Variants in ANOS1 observed in about 807,000 individuals in gnomAD.
ANOS1 encodes the protein anosmin 1, also known as anosmin-1.
In ANOS1, 6 loss-of-function variants were observed where a neutral mutation model predicts 59.0. That is an observed-to-expected ratio of 0.10 (90% confidence interval 0.06 to 0.20). The LOEUF is 0.20. Among genes scored for constraint, ANOS1 ranks in the 10% least tolerant of loss-of-function variants. The pLI is 1.00. For missense variants in ANOS1, 433 were observed against 542.3 expected (o/e 0.80, Z 2.00); for synonymous variants, 217 against 223.4 (o/e 0.97, Z 0.25).
At chrX:8,709,034 G>A (rs950794005) in intron 1 of ANOS1, among the ~76,000 whole-genome samples, 2 of 110,564 alleles carry the variant, frequency 1.8e-5, no homozygotes, top group African/African-American at 6.6e-5. Flanking sequence ...AACACCGCAA[G>A]TTCTCACTCA....
At chrX:8,605,018 T>C (rs1365492427) in intron 3 of ANOS1, among the ~76,000 whole-genome samples, 1 of 112,889 alleles carries the variant, frequency 8.9e-6, no homozygotes, top group Non-Finnish European at 1.9e-5. Flanking sequence ...AGTATGTTAA[T>C]ACATAAAAGT....
At chrX:8,710,605 A>T (rs6640216) in intron 1 of ANOS1, among the ~76,000 whole-genome samples, 1 of 110,423 alleles carries the variant, frequency 9.1e-6, no homozygotes, top group African/African-American at 3.3e-5. Flanking sequence ...CTCGTTAATG[A>T]CATGTCATTG....
chrX:8,665,187 G>A (rs1932114289), intron 2 of ANOS1, among the ~76,000 whole-genome samples: 1 of 112,072 alleles, frequency 8.9e-6, no homozygotes, highest in African/African-American at 3.2e-5. Context: ...TTGACAAACT[G>A]GATATCAAAA....
chrX:8,668,426 T>TACAC (rs1453290696), intron 2 of ANOS1, among the ~76,000 whole-genome samples: 1,073 of 81,812 alleles, frequency 0.013, 14 homozygotes, highest in African/African-American at 0.024. Flanking sequence ...TATATATATA[T>TACAC]ATATACACAC....
chrX:8,545,758 C>T (rs890511370), intron 9 of ANOS1, among the ~76,000 whole-genome samples: 2 of 112,045 alleles, frequency 1.8e-5, no homozygotes, highest in Non-Finnish European at 3.8e-5. Context: ...AGGTCCCTAA[C>T]TCCAAGTCCA....
intron 8 of ANOS1, among the ~76,000 whole-genome samples, chrX:8,554,353 C>T (rs771370456): frequency 2.7e-5 from 3 of 110,788 alleles, no homozygotes; most frequent in Non-Finnish European, 5.7e-5. Flanking sequence ...GGTTGGAGAA[C>T]TCCCTCCCCT....
chrX:8,645,248 C>T (rs1931732095), intron 2 of ANOS1, among the ~76,000 whole-genome samples: 1 of 112,406 alleles, frequency 8.9e-6, no homozygotes, highest in South Asian at 3.7e-4. Flanking sequence ...AGTGCAACAT[C>T]GACGAAGGGA....
At chrX:8,618,231 T>C (rs899139956) in intron 3 of ANOS1, among the ~76,000 whole-genome samples, 9 of 112,323 alleles carry the variant, frequency 8.0e-5, no homozygotes, top group African/African-American at 2.9e-4. Context: ...TTGATAATTA[T>C]ATATGTAGTA....
chrX:8,690,053 T>C (rs761078493), intron 2 of ANOS1, among the ~76,000 whole-genome samples: 1 of 112,484 alleles, frequency 8.9e-6, no homozygotes. Context: ...AAGGAAATAA[T>C]AGAATATTTC....
chrX:8,532,424 A>C lies in ANOS1; in HGVS notation c.*571T>G, dbSNP rs182639536. ...CATAAAGAGCAGCACAAGGTACTTA[A>C]AGTAGGAGCATTTTTAGATTTAAAT... On this transcript the variant is annotated 3_prime_UTR_variant, in exon 14 of 14. Transcript: ENST00000262648. The C allele has an allele frequency of 1.9e-3, 215 of 111,925 alleles. 2 individuals are homozygous for C. Among genetic ancestry groups the C allele is most frequent in the African/African-American group, 6.7e-3 (207 of 30,772 alleles). 9.2% of individuals were successfully genotyped at this position (111,925 alleles called of 1,213,427 possible).
chrX:8,678,680 T>C (rs1932373837), intron 2 of ANOS1, among the ~76,000 whole-genome samples: 1 of 111,852 alleles, frequency 8.9e-6, no homozygotes, highest in African/African-American at 3.2e-5. Context: ...CCTTGGGTTA[T>C]TGGGAGAACT....
chrX:8,612,551 GT>G (rs60402454), intron 3 of ANOS1, among the ~76,000 whole-genome samples: 1,292 of 60,747 alleles, frequency 0.021, 23 homozygotes, highest in East Asian at 0.056. Flanking sequence ...AAAACAAGAA[GT>G]TTTTTTTTTT....
intron 3 of ANOS1, among the ~76,000 whole-genome samples, chrX:8,606,186 A>G (rs1339927184): frequency 2.7e-5 from 3 of 112,810 alleles, no homozygotes; most frequent in African/African-American, 9.7e-5. Flanking sequence ...GCATAAACTT[A>G]AAGAAAACAC....
chrX:8,539,013 G>A (rs1929640804), intron 10 of ANOS1, among the ~76,000 whole-genome samples: 1 of 111,861 alleles, frequency 8.9e-6, no homozygotes, highest in Non-Finnish European at 1.9e-5. Context: ...CCATCAAAGT[G>A]TATTATACAC....
intron 2 of ANOS1, among the ~76,000 whole-genome samples, chrX:8,654,718 G>A (rs1931903425): frequency 8.9e-6 from 1 of 112,186 alleles, no homozygotes; most frequent in Non-Finnish European, 1.9e-5. Context: ...CTCTAGAATA[G>A]TCTATCAGCT....
intron 2 of ANOS1, among the ~76,000 whole-genome samples, chrX:8,685,610 A>G: frequency 1.2e-5 from 1 of 83,855 alleles, no homozygotes; most frequent in Admixed American, 1.2e-4. Context: ...GAAAGAAAGA[A>G]AGAAAGAAAG....
chrX:8,666,913 C>T (rs763515050), intron 2 of ANOS1, among the ~76,000 whole-genome samples: 3 of 111,972 alleles, frequency 2.7e-5, no homozygotes, highest in African/African-American at 9.7e-5. Flanking sequence ...AACATCACCC[C>T]ATGAGGGGAA....
intron 2 of ANOS1, among the ~76,000 whole-genome samples, chrX:8,674,597 TA>T (rs762020951): frequency 1.1e-4 from 12 of 111,881 alleles, no homozygotes; most frequent in Non-Finnish European, 1.5e-4. Context: ...CTGATGAGCT[TA>T]AAAAAAATTG....
intron 7 of ANOS1, among the ~76,000 whole-genome samples, chrX:8,569,508 G>A (rs1222536555): frequency 2.7e-5 from 3 of 111,542 alleles, no homozygotes; most frequent in East Asian, 5.7e-4. Flanking sequence ...TGGGTGTGGT[G>A]GCGGGCGCCT....
Sources: gnomAD v4.1 joint callset for allele counts (sites outside exome capture counted in the v4.1 genomes callset) on GRCh38, gnomAD v4.1.1 for gene constraint, MANE v1.5 for transcripts, NCBI Gene and HGNC (gene_info 2026-07-23, HGNC 2026-07-21) for gene names.